Variants in TUBB1 observed in about 807,000 individuals in gnomAD.
TUBB1 encodes tubulin beta 1 class VI, also known as tubulin beta-1 chain.
In TUBB1, 28 loss-of-function variants were observed where a neutral mutation model predicts 22.6. That is an observed-to-expected ratio of 1.24 (90% CI 0.92 to 1.70). The LOEUF (loss-of-function observed/expected upper bound fraction) is 1.70, where lower values mean the gene tolerates loss of function less well. Among genes scored for constraint, TUBB1 ranks in the 40% most tolerant of loss-of-function variants. The pLI is 0.00. For synonymous variants in TUBB1, 226 were observed against 238.0 expected (o/e 0.95, Z 0.46); for missense variants, 577 against 605.5 (o/e 0.95, Z 0.49).
Position 59,023,947 on chromosome 20 carries a change from A to C in TUBB1, c.520A>C (p.Lys174Gln), listed in dbSNP as rs765440300. Reference sequence around the variant, plus strand: ...TTCCTTCAGCGTCATGCCTTCTCCCAAGGTGTCGGACACTGTGGTGGAGCC... The same window carrying C: ...TTCCTTCAGCGTCATGCCTTCTCCCCAGGTGTCGGACACTGTGGTGGAGCC... ...MNSFSVMPSP[K>Q]VSDTVVEPYN... Residue 174 changes from lysine (K) to glutamine (Q), a missense_variant, in exon 4 of 4, where the codon AAG becomes CAG. Transcript: ENST00000217133. 6 of 1,614,196 alleles carry C rather than the reference A, an allele frequency of 3.7e-6. No individual in the cohort carries two copies. The Admixed American group carries it at 1.0e-4, about 27-fold the overall frequency.
upstream of TUBB1, among the ~76,000 whole-genome samples, chr20:59,016,786 G>A (rs938823803): frequency 1.3e-5 from 2 of 152,160 alleles, no homozygotes; most frequent in Non-Finnish European, 2.9e-5. Flanking sequence ...TAATAAAATG[G>A]TCTGTTTTAA....
upstream of TUBB1, among the ~76,000 whole-genome samples, chr20:59,018,299 T>C (rs902543864): frequency 2.0e-5 from 3 of 152,108 alleles, no homozygotes; most frequent in African/African-American, 4.8e-5. Flanking sequence ...CTTTCGACGA[T>C]GATAGAAACT....
At position 59,025,160 on chromosome 20, in the gene TUBB1, C is replaced by A. The variant is rs199863369; in HGVS notation, c.*377C>A. 1.1e-4 allele frequency: 33 copies of A among 312,094 alleles called. No individual in the cohort carries two copies. In the East Asian group the frequency reaches 2.2e-3, roughly 21 times the overall value. The allele number at this position is 312,094 out of a possible 1,614,324, so 19.3% of individuals were successfully genotyped here. On this transcript the variant is annotated 3_prime_UTR_variant, in exon 4 of 4. Transcript: ENST00000217133. Reference sequence around the variant, plus strand: ...TATACTTTAGCAGCACTGATAGGCACCCTGGAATCCTCACTTGGTATCCGA... The same window carrying A: ...TATACTTTAGCAGCACTGATAGGCAACCTGGAATCCTCACTTGGTATCCGA...
upstream of TUBB1, among the ~76,000 whole-genome samples, chr20:59,016,665 T>G (rs551184147): frequency 8.1e-4 from 124 of 152,308 alleles, 2 homozygotes; most frequent in Middle Eastern, 0.01. Flanking sequence ...GATGGGCTAA[T>G]GTCTATGGAA....
chr20:59,023,807 G>C lies in TUBB1; in HGVS notation c.380G>C (p.Cys127Ser). Reference sequence around the variant, plus strand: ...GTGGTGAGGCACGAGAGTGAGAGCTGTGACTGCCTGCAGGGCTTCCAGATC... The same window carrying C: ...GTGGTGAGGCACGAGAGTGAGAGCTCTGACTGCCTGCAGGGCTTCCAGATC... ...LEVVRHESES[C>S]DCLQGFQIVH... Residue 127 changes from cysteine (C) to serine (S), a missense_variant, in exon 4 of 4, where the codon TGT becomes TCT. Cys to Ser is a moderately radical substitution (Grantham distance 112, BLOSUM62 -1). Coordinates refer to ENST00000217133, the MANE Select transcript of TUBB1 (RefSeq NM_030773.4). 2 of 1,614,218 alleles carry C rather than the reference G, an allele frequency of 1.2e-6. No homozygotes were observed. Among genetic ancestry groups the C allele is most frequent in the South Asian group, 2.2e-5 (2 of 91,084 alleles).
At chr20:59,023,094 G>A in intron 2 of TUBB1, 141 bp downstream of exon 2, 1 of 818,536 alleles carries the variant, frequency 1.2e-6, no homozygotes, top group Non-Finnish European at 2.0e-6. Flanking sequence ...CAGGATCCTA[G>A]AGTGGTGGGT....
chr20:59,021,801 C>G (rs1248950092), intron 1 of TUBB1, among the ~76,000 whole-genome samples: 1 of 152,202 alleles, frequency 6.6e-6, no homozygotes, highest in Non-Finnish European at 1.5e-5. Context: ...TTGAGACCAG[C>G]CTGGCTAACA....
At chr20:59,018,386 C>T (rs911009471), upstream of TUBB1, among the ~76,000 whole-genome samples, 7 of 152,092 alleles carry the variant, frequency 4.6e-5, no homozygotes, top group Non-Finnish European at 7.4e-5. Flanking sequence ...CCTGCTGCCA[C>T]TCCTGTACAC....
In TUBB1 at chr20:59,021,924, G is replaced by A. The variant is rs113095292; in HGVS notation, c.58-921G>A. Among the ~76,000 whole-genome samples, 1,407 of 152,218 alleles carry A rather than the reference G, an allele frequency of 9.2e-3. 26 individuals carry two copies. Among genetic ancestry groups the A allele is most frequent in the African/African-American group, 0.032 (1,329 of 41,516 alleles). ...GCAGGAGAATTGCTTGAACCCAGGA[G>A]GTGGAAGTTGCAGTGAGCCAAGATT... On this transcript the variant is annotated intron_variant, in intron 1 of 3. Transcript: ENST00000217133.
At chr20:59,016,440 G>C (rs938940776), upstream of TUBB1, among the ~76,000 whole-genome samples, 5 of 152,218 alleles carry the variant, frequency 3.3e-5, no homozygotes, top group Admixed American at 1.3e-4. Flanking sequence ...CTGTGTGTGG[G>C]CACTGCAGGT....
intron 2 of TUBB1, among the ~76,000 whole-genome samples, 179 bp downstream of exon 2, chr20:59,023,132 T>A (rs1423344552): frequency 6.6e-6 from 1 of 152,054 alleles, no homozygotes; most frequent in Non-Finnish European, 1.5e-5. Flanking sequence ...GACGCAGGAA[T>A]GGGGAAGGAG....
chr20:59,023,655 CCTT>C, intron 3 of TUBB1, 47 bp from the exon 4 acceptor site: 1 of 1,613,172 alleles, frequency 6.2e-7, no homozygotes, highest in Non-Finnish European at 8.5e-7. Flanking sequence ...TTACTGGTGC[CCTT>C]CTCTTTTCAC....
intron 1 of TUBB1, 58 bp downstream of exon 1, chr20:59,019,637 C>CA (rs1347425638): frequency 6.5e-7 from 1 of 1,534,392 alleles, no homozygotes; most frequent in Non-Finnish European, 9.0e-7. Flanking sequence ...GGCGGACAAC[C>CA]AAAAAAATAC....
chr20:59,021,295 A>G (rs927277038), intron 1 of TUBB1, among the ~76,000 whole-genome samples: 1 of 152,214 alleles, frequency 6.6e-6, no homozygotes, highest in Non-Finnish European at 1.5e-5. Flanking sequence ...TGGCTGACTC[A>G]TCATTTAGAG....
rs949125241 is a variant in TUBB1, at chr20:59,025,127, T to C, written c.*344T>C. 3 of 363,494 alleles carry C rather than the reference T, an allele frequency of 8.3e-6. No homozygotes were observed. The highest frequency in any genetic ancestry group is 1.6e-5 in the Non-Finnish European group (3 of 189,018). The allele number at this position is 363,494 out of a possible 1,614,324, so 22.5% of individuals were successfully genotyped here. ...TGCAGGGAGCCACTGGAGTTGGTGT[T>C]ACATTTTTATACTTTAGCAGCACTG... On this transcript the variant is annotated 3_prime_UTR_variant, in exon 4 of 4. Transcript: ENST00000217133.
At chr20:59,016,440 G>A, upstream of TUBB1, among the ~76,000 whole-genome samples, 1 of 152,218 alleles carries the variant, frequency 6.6e-6, no homozygotes, top group Non-Finnish European at 1.5e-5. Flanking sequence ...CTGTGTGTGG[G>A]CACTGCAGGT....
chr20:59,020,484 C>G (rs926848063), intron 1 of TUBB1, among the ~76,000 whole-genome samples: 1 of 151,940 alleles, frequency 6.6e-6, no homozygotes, highest in Non-Finnish European at 1.5e-5. Flanking sequence ...GTACCTGGCC[C>G]ACTTTTATCT....
At position 59,026,431 on chromosome 20, in the gene TUBB1, G is replaced by A. The variant is rs1485715926; in HGVS notation, c.*1648G>A. ...GACTTACAGCCTGCGATTATACAAG[G>A]ATTTACACATGCTTCCTCTGGTGCT... On this transcript the variant is annotated 3_prime_UTR_variant, in exon 4 of 4. Transcript: ENST00000217133. The A allele has an allele frequency of 2.0e-5, 3 of 152,166 alleles. No individual in the cohort carries two copies. The highest frequency in any genetic ancestry group is 1.3e-4 in the Admixed American group (2 of 15,276). 9.4% of individuals were successfully genotyped at this position (152,166 alleles called of 1,614,324 possible). A position where few individuals can be genotyped will look rare whatever the true frequency, so the allele number is the denominator to read the frequency against.
At chr20:59,019,679 C>A in intron 1 of TUBB1, 100 bp downstream of exon 1, 1 of 1,235,692 alleles carries the variant, frequency 8.1e-7, no homozygotes, top group Non-Finnish European at 1.2e-6. Context: ...ATAAGTCTAG[C>A]AGATTTAATG....
Sources: gnomAD v4.1 joint callset for allele counts (sites outside exome capture counted in the v4.1 genomes callset) on GRCh38, gnomAD v4.1.1 for gene constraint, MANE v1.5 for transcripts, NCBI Gene and HGNC (gene_info 2026-07-23, HGNC 2026-07-21) for gene names.